Variants in ENOX1 observed in about 807,000 individuals in gnomAD.
The protein encoded by ENOX1 is candidate growth-related and time keeping constitutive hydroquinone (NADH) oxidase.
ENOX1 carries 42 observed loss-of-function variants against 82.5 expected under a neutral mutation model. That is an observed-to-expected ratio of 0.51 (90% CI 0.40 to 0.66). The LOEUF (loss-of-function observed/expected upper bound fraction) is 0.66, where lower values mean the gene tolerates loss of function less well. Ranked by LOEUF, ENOX1 falls within the 30% of genes least tolerant of loss-of-function variation. The pLI is 0.00. For synonymous variants in ENOX1, 271 were observed against 282.2 expected (o/e 0.96, Z 0.40); for missense variants, 608 against 811.6 (o/e 0.75, Z 3.05).
At chr13:43,256,089 A>T (rs1433524600) in intron 14 of ENOX1, among the ~76,000 whole-genome samples, 2 of 152,102 alleles carry the variant, frequency 1.3e-5, no homozygotes, top group Non-Finnish European at 2.9e-5. Context: ...AAGTGGTGCT[A>T]GGAAAACAGT....
chr13:43,445,405 G>A (rs940493332), intron 3 of ENOX1, among the ~76,000 whole-genome samples: 6 of 152,126 alleles, frequency 3.9e-5, no homozygotes, highest in African/African-American at 9.7e-5. Context: ...TTACAGGTGT[G>A]AGCCACTGCC....
chr13:43,502,590 A>T (rs76852238), intron 2 of ENOX1, among the ~76,000 whole-genome samples: 1,560 of 151,882 alleles, frequency 0.01, 29 homozygotes, highest in African/African-American at 0.036. Flanking sequence ...TCATAGTAAC[A>T]GAATAAAGGA....
At chr13:43,721,091 T>G (rs1402553858) in intron 1 of ENOX1, among the ~76,000 whole-genome samples, 2 of 152,220 alleles carry the variant, frequency 1.3e-5, no homozygotes, top group Non-Finnish European at 2.9e-5. Context: ...GTGGGTAGAA[T>G]GTGCACATAC....
intron 11 of ENOX1, among the ~76,000 whole-genome samples, chr13:43,313,123 A>C (rs2047300950): frequency 6.6e-6 from 1 of 152,196 alleles, no homozygotes; most frequent in African/African-American, 2.4e-5. Context: ...AAAAGGAGAA[A>C]GCTAGTATTG....
intron 12 of ENOX1, among the ~76,000 whole-genome samples, chr13:43,274,186 A>G (rs2044864712): frequency 6.6e-6 from 1 of 152,250 alleles, no homozygotes; most frequent in Admixed American, 6.5e-5. Flanking sequence ...TATCCTTTTT[A>G]ATCTGAAAAG....
chr13:43,597,952 C>T (rs1418023975), intron 2 of ENOX1, among the ~76,000 whole-genome samples: 1 of 152,180 alleles, frequency 6.6e-6, no homozygotes, highest in Non-Finnish European at 1.5e-5. Context: ...CAAGGCCTAT[C>T]CTGCCCATAT....
intron 12 of ENOX1, among the ~76,000 whole-genome samples, chr13:43,270,554 C>T (rs146745296): frequency 2.6e-5 from 4 of 152,316 alleles, no homozygotes; most frequent in Non-Finnish European, 4.4e-5. Context: ...TCCTAACCAT[C>T]AAAGCCTGGA....
chr13:43,577,714 G>T (rs2080508560), intron 2 of ENOX1, among the ~76,000 whole-genome samples: 1 of 152,184 alleles, frequency 6.6e-6, no homozygotes, highest in Admixed American at 6.5e-5. Context: ...TCCAACACAT[G>T]AATTTTGGAG....
chr13:43,344,775 C>T (rs746628136), intron 8 of ENOX1, 25 bp from the exon 9 acceptor site: 9 of 1,600,014 alleles, frequency 5.6e-6, no homozygotes. Flanking sequence ...CCACCAAGTA[C>T]AAATCATGCC....
At chr13:43,267,729 G>T (rs1291222830) in intron 13 of ENOX1, among the ~76,000 whole-genome samples, 1 of 152,202 alleles carries the variant, frequency 6.6e-6, no homozygotes, top group African/African-American at 2.4e-5. Context: ...CCTTTTGCAA[G>T]AACCACCAAG....
chr13:43,727,495 T>C (rs953059880), intron 1 of ENOX1, among the ~76,000 whole-genome samples: 6 of 152,176 alleles, frequency 3.9e-5, no homozygotes, highest in Admixed American at 2.6e-4. Flanking sequence ...GTTTTAGGCA[T>C]GGGGTTCCTG....
intron 1 of ENOX1, among the ~76,000 whole-genome samples, chr13:43,671,546 C>G (rs1023848300): frequency 6.6e-6 from 1 of 152,124 alleles, no homozygotes; most frequent in Non-Finnish European, 1.5e-5. Context: ...CTACACATAC[C>G]CCATTATTAC....
intron 2 of ENOX1, among the ~76,000 whole-genome samples, chr13:43,616,096 C>T (rs13378585): frequency 1.2e-5 from 1 of 82,012 alleles, no homozygotes. Flanking sequence ...ATATATATAT[C>T]TATATAGATA....
intron 1 of ENOX1, among the ~76,000 whole-genome samples, chr13:43,725,401 C>T (rs2088870912): frequency 6.6e-6 from 1 of 151,976 alleles, no homozygotes; most frequent in East Asian, 1.9e-4. Context: ...ATACAGGCCT[C>T]AGAGCTCACC....
chr13:43,509,196 T>C, intron 2 of ENOX1, among the ~76,000 whole-genome samples: 1 of 152,116 alleles, frequency 6.6e-6, no homozygotes, highest in South Asian at 2.1e-4. Context: ...GAAATAAAAC[T>C]GGTTAAAATA....
At chr13:43,487,229 G>C (rs1473846706) in intron 2 of ENOX1, among the ~76,000 whole-genome samples, 7 of 152,078 alleles carry the variant, frequency 4.6e-5, no homozygotes, top group Non-Finnish European at 7.4e-5. Flanking sequence ...CAGATCATGG[G>C]TGGTATCAGT....
At chr13:43,318,360 T>C (rs1033625453) in intron 11 of ENOX1, among the ~76,000 whole-genome samples, 1 of 152,214 alleles carries the variant, frequency 6.6e-6, no homozygotes, top group African/African-American at 2.4e-5. Context: ...AACACTTTTT[T>C]CAAATGAGTC....
At chr13:43,237,233 A>G (rs1050208314) in intron 14 of ENOX1, among the ~76,000 whole-genome samples, 12 of 152,246 alleles carry the variant, frequency 7.9e-5, no homozygotes, top group African/African-American at 2.7e-4. Context: ...AATAAATGCA[A>G]GAGGCAGATA....
At chr13:43,372,074 A>G (rs781479882) in intron 5 of ENOX1, among the ~76,000 whole-genome samples, 5 of 152,250 alleles carry the variant, frequency 3.3e-5, no homozygotes, top group Admixed American at 6.5e-5. Context: ...TACAGAATTT[A>G]CAGAGTTCAT....
Sources: allele counts gnomAD v4.1 joint callset (sites outside exome capture counted in the v4.1 genomes callset), GRCh38; gene constraint gnomAD v4.1.1; transcripts MANE v1.5; gene names NCBI Gene and HGNC (gene_info 2026-07-23, HGNC 2026-07-21).